NRXN1: variants seen among roughly 807,000 people sequenced by gnomAD.
The protein encoded by NRXN1 is neurexin 1.
In NRXN1, 39 loss-of-function variants were observed where a neutral mutation model predicts 150.9. The ratio of observed to expected loss-of-function variants is 0.26; its 90% CI spans 0.20 to 0.34. The LOEUF is 0.34. NRXN1 is among the 10% of genes least tolerant of loss of function. The probability of loss-of-function intolerance (pLI) is 1.00; values close to 1 mark genes in which losing one functional copy is unlikely to be tolerated. For synonymous variants in NRXN1, 924 were observed against 757.0 expected (o/e 1.22, Z -3.62); for missense variants, 1,815 against 1,949.9 (o/e 0.93, Z 1.30).
At chr2:50,907,520 T>A (rs1182029245) in intron 5 of NRXN1, among the ~76,000 whole-genome samples, 1 of 151,918 alleles carries the variant, frequency 6.6e-6, no homozygotes, top group African/African-American at 2.4e-5. Flanking sequence ...GCAATTAAGG[T>A]TGAAGATGTT....
intron 2 of NRXN1, among the ~76,000 whole-genome samples, chr2:50,927,573 A>G (rs1574953859): frequency 6.6e-6 from 1 of 152,066 alleles, no homozygotes; most frequent in Non-Finnish European, 1.5e-5. Context: ...CACAAATATT[A>G]AAGTTTTGTT....
intron 17 of NRXN1, among the ~76,000 whole-genome samples, chr2:50,375,354 G>T (rs2080405124): frequency 6.6e-6 from 1 of 150,666 alleles, no homozygotes; most frequent in Admixed American, 6.6e-5. Context: ...TTTGATTTTA[G>T]AATTACATTT....
At chr2:50,429,580 T>C (rs1295374515) in intron 17 of NRXN1, among the ~76,000 whole-genome samples, 1 of 152,138 alleles carries the variant, frequency 6.6e-6, no homozygotes, top group East Asian at 1.9e-4. Flanking sequence ...AATTTTAATT[T>C]TGAAGAAAAT....
At position 49,943,606 on chromosome 2, in the gene NRXN1, T is replaced by G. The variant is rs189528483; in HGVS notation, c.4216+98A>C. On this transcript the variant is annotated intron_variant, in intron 22 of 22. Transcript: ENST00000401669. ...CACAATCAACGATGGTATAGGAGGG[T>G]AGCCTTCTATACATGAATATAAGGC... 232 of 780,306 alleles carry G rather than the reference T, an allele frequency of 3.0e-4. No individual in the cohort carries two copies. In the African/African-American group the frequency reaches 3.4e-3, roughly 11 times the overall value. 48.3% of individuals were successfully genotyped at this position (780,306 alleles called of 1,614,324 possible).
rs1674189873 is a variant in NRXN1 at position 49,952,742 on chromosome 2, A to C, written c.4129-8951T>G. ...CTCCCTGCTCTCTTCTCATTAAGCCACTGATTAAAATCCTTCCAACTTCCA... is the reference window on the plus strand; with the variant it reads ...CTCCCTGCTCTCTTCTCATTAAGCCCCTGATTAAAATCCTTCCAACTTCCA... On this transcript the variant is annotated intron_variant, in intron 21 of 22. Transcript: ENST00000401669. Among the ~76,000 whole-genome samples the C allele has an allele frequency of 2.6e-5, 4 of 152,130 alleles. No individual in the cohort carries two copies. In the South Asian group the frequency reaches 8.3e-4, roughly 31 times the overall value.
intron 18 of NRXN1, among the ~76,000 whole-genome samples, chr2:50,225,614 A>G (rs2064298943): frequency 6.6e-6 from 1 of 151,980 alleles, no homozygotes; most frequent in African/African-American, 2.4e-5. Flanking sequence ...AGATGAATAA[A>G]AAAGCACCAG....
chr2:50,346,991 G>C lies in NRXN1; in HGVS notation c.3365-110021C>G. The C allele has an allele frequency of 7.3e-7, 1 of 1,364,130 alleles. No homozygotes were observed. The highest frequency in any genetic ancestry group is 1.6e-5 in the African/African-American group (1 of 63,926). The allele number at this position is 1,364,130 out of a possible 1,614,324, so 84.5% of individuals were successfully genotyped here. A position where few individuals can be genotyped will look rare whatever the true frequency, so the allele number is the denominator to read the frequency against. ...AGGGGCAGCCGCCGCGGGAGGCAAA[G>C]TTTGGGGCGCGGGGAGAGGAGAGGG... On this transcript the variant is annotated intron_variant, in intron 17 of 22. Transcript: ENST00000401669. The surrounding 1 kb of genome is among the most constrained non-coding windows in gnomAD (Gnocchi z 5.0).
intron 5 of NRXN1, among the ~76,000 whole-genome samples, chr2:50,796,495 C>T (rs570546998): frequency 8.0e-4 from 122 of 152,288 alleles, no homozygotes; most frequent in African/African-American, 2.4e-3. Flanking sequence ...CCAACGGCCC[C>T]ATCTAAGATC....
chr2:50,438,505 G>C (rs1378943441), intron 17 of NRXN1, among the ~76,000 whole-genome samples: 1 of 152,230 alleles, frequency 6.6e-6, no homozygotes, highest in East Asian at 1.9e-4. Flanking sequence ...TACTGCTTAA[G>C]CACAGATGTC....
chr2:50,097,974 C>G (rs1462477398), intron 18 of NRXN1, among the ~76,000 whole-genome samples: 1 of 151,970 alleles, frequency 6.6e-6, no homozygotes, highest in Non-Finnish European at 1.5e-5. Flanking sequence ...ACTTAGAGGC[C>G]CTCTTGGCTG....
At chr2:50,332,796 C>G (rs911646124) in intron 17 of NRXN1, among the ~76,000 whole-genome samples, 4 of 152,160 alleles carry the variant, frequency 2.6e-5, no homozygotes, top group African/African-American at 4.8e-5. Flanking sequence ...GATGCTCAGC[C>G]TGAGTGTTTT....
At chr2:50,236,577 CAAA>C (rs35377914) in intron 18 of NRXN1, among the ~76,000 whole-genome samples, 7 of 118,920 alleles carry the variant, frequency 5.9e-5, no homozygotes, top group African/African-American at 6.0e-5. Context: ...ATTCACACTC[CAAA>C]AAAAAAAAAA....
intron 18 of NRXN1, among the ~76,000 whole-genome samples, chr2:50,215,828 A>G (rs1423080869): frequency 2.0e-5 from 3 of 152,046 alleles, no homozygotes; most frequent in South Asian, 2.1e-4. Flanking sequence ...GCTCAACAAC[A>G]TGTATCTCAT....
chr2:50,487,635 A>C (rs2090970926), intron 15 of NRXN1, among the ~76,000 whole-genome samples: 1 of 152,204 alleles, frequency 6.6e-6, no homozygotes, highest in Admixed American at 6.5e-5. Flanking sequence ...ATGTTGACCC[A>C]TGGCTCAAGA....
At chr2:50,052,468 T>C (rs568806796) in intron 21 of NRXN1, among the ~76,000 whole-genome samples, 5 of 150,868 alleles carry the variant, frequency 3.3e-5, no homozygotes, top group Admixed American at 1.3e-4. Flanking sequence ...TCGAATAAGG[T>C]TTTTTTTTCC....
At chr2:49,998,128 T>A (rs934314836) in intron 21 of NRXN1, among the ~76,000 whole-genome samples, 2 of 152,052 alleles carry the variant, frequency 1.3e-5, no homozygotes, top group African/African-American at 4.8e-5. Context: ...TATCCCAAAG[T>A]GAAAACCATA....
intron 18 of NRXN1, among the ~76,000 whole-genome samples, chr2:50,225,204 C>T (rs774708201): frequency 2.0e-5 from 3 of 151,938 alleles, no homozygotes; most frequent in Non-Finnish European, 4.4e-5. Context: ...GAGAGCACTT[C>T]TGGAGTGAGC....
chr2:50,131,338 A>C (rs2152747422), intron 18 of NRXN1, among the ~76,000 whole-genome samples: 1 of 152,326 alleles, frequency 6.6e-6, no homozygotes, highest in South Asian at 2.1e-4. Flanking sequence ...TTACTGTTTA[A>C]GTTTATTCAA....
intron 2 of NRXN1, among the ~76,000 whole-genome samples, chr2:50,937,018 C>T (rs917907964): frequency 2.0e-5 from 3 of 152,014 alleles, no homozygotes; most frequent in Non-Finnish European, 4.4e-5. Flanking sequence ...CCTCTCGTTA[C>T]GAGACTTCTA....
Sources: allele counts gnomAD v4.1 joint callset (sites outside exome capture counted in the v4.1 genomes callset), GRCh38; gene constraint gnomAD v4.1.1; non-coding constraint Gnocchi (gnomAD v3.1); transcripts MANE v1.5; gene names NCBI Gene and HGNC (gene_info 2026-07-23, HGNC 2026-07-21).